The following UHMK1 variants were observed in gnomAD, a reference collection of about 807,000 sequenced individuals.
The protein encoded by UHMK1 is serine/threonine-protein kinase Kist.
UHMK1 carries 18 observed loss-of-function variants against 44.0 expected under a neutral mutation model. That is an observed-to-expected ratio of 0.41 (90% CI 0.28 to 0.61). The LOEUF (loss-of-function observed/expected upper bound fraction) is 0.61, where lower values mean the gene tolerates loss of function less well. Among genes scored for constraint, UHMK1 ranks in the 20% least tolerant of loss-of-function variants. The pLI is 0.31. For synonymous variants in UHMK1, 231 were observed against 198.5 expected, an observed-to-expected ratio of 1.16 and a Z score of -1.38; for missense variants, 463 against 522.5, an observed-to-expected ratio of 0.89 and a Z score of 1.11.
At chr1:162,498,353 C>T (rs1651141971) in intron 1 of UHMK1, 85 bp downstream of exon 1, 1 of 1,468,338 alleles carries the variant, frequency 6.8e-7, no homozygotes, top group African/African-American at 1.4e-5. Context: ...TTCCATCTTC[C>T]TCCCCTTCTG....
Position 162,527,140 on chromosome 1 carries a change from G to A in UHMK1, c.*4590G>A, listed in dbSNP as rs184562453. 2.0e-5 allele frequency: 3 copies of A among 152,134 alleles called. No individual in the cohort carries two copies. The East Asian group carries it at 5.8e-4, about 29-fold the overall frequency. The allele number at this position is 152,134 out of a possible 1,614,324, so 9.4% of individuals were successfully genotyped here. A position where few individuals can be genotyped will look rare whatever the true frequency, so the allele number is the denominator to read the frequency against. ...GAACATGGATATTTTAGTTTTTGGA[G>A]TACCCAGAATTGTAAAGATTTTGTT... On this transcript the variant is annotated 3_prime_UTR_variant, in exon 8 of 8. Transcript: ENST00000489294.
At position 162,526,749 on chromosome 1, in the gene UHMK1, G is replaced by T. The variant is rs1435420466; in HGVS notation, c.*4199G>T. 2 of 151,964 alleles carry T rather than the reference G, an allele frequency of 1.3e-5. No homozygotes were observed. The highest frequency in any genetic ancestry group is 1.3e-4 in the Admixed American group (2 of 15,262). The allele number at this position is 151,964 out of a possible 1,614,324, so 9.4% of individuals were successfully genotyped here. ...TGTATATGTAAAACTATTCATATTTGATTTTATTCCAATATTATATATGAT... is the reference window on the plus strand; with the variant it reads ...TGTATATGTAAAACTATTCATATTTTATTTTATTCCAATATTATATATGAT... On this transcript the variant is annotated 3_prime_UTR_variant, in exon 8 of 8. Coordinates refer to ENST00000489294, the MANE Select transcript of UHMK1 (RefSeq NM_175866.5).
At chr1:162,522,221 C>T (rs1037286098) in intron 7 of UHMK1, among the ~76,000 whole-genome samples, 183 bp from the exon 8 acceptor site, 3 of 152,178 alleles carry the variant, frequency 2.0e-5, no homozygotes, top group African/African-American at 4.8e-5. Flanking sequence ...CATAGACCAG[C>T]AGCATTGGCA....
chr1:162,522,380 G>C lies in UHMK1; in HGVS notation c.1114-24G>C, dbSNP rs144420022. 8.4e-5 allele frequency: 135 copies of C among 1,613,072 alleles called. No homozygotes were observed. The Admixed American group carries it at 2.3e-3, about 27-fold the overall frequency. ...AAAACAATCTTGGTGGAAATGAAAT[G>C]TTTTTTTCTCTGTCTTCTTTCAGGT... On this transcript the variant is annotated intron_variant, in intron 7 of 7. Coordinates refer to ENST00000489294, the MANE Select transcript of UHMK1 (RefSeq NM_175866.5).
At chr1:162,508,533 G>A (rs12746122) in intron 4 of UHMK1, among the ~76,000 whole-genome samples, 68,967 of 151,126 alleles carry the variant, frequency 0.46, 15,768 homozygotes, top group East Asian at 0.47. Flanking sequence ...GTGAAATCCC[G>A]TCTCTACTAA....
chr1:162,519,131 AC>A (rs1301425596), intron 7 of UHMK1, among the ~76,000 whole-genome samples: 1 of 150,502 alleles, frequency 6.6e-6, no homozygotes, highest in African/African-American at 2.5e-5. Context: ...AGCCCGGCCA[AC>A]GTGGTGAAAC....
At chr1:162,501,204 C>A in intron 3 of UHMK1, 100 bp downstream of exon 3, 1 of 1,228,760 alleles carries the variant, frequency 8.1e-7, no homozygotes, top group Non-Finnish European at 1.1e-6. Context: ...GAGTTTCACT[C>A]TTTCACCCAG....
chr1:162,518,151 A>G lies in UHMK1; in HGVS notation c.1074A>G (p.Val358=). 2 of 1,613,518 alleles carry G rather than the reference A, an allele frequency of 1.2e-6. No individual in the cohort carries two copies. The highest frequency in any genetic ancestry group is 1.3e-5 in the African/African-American group (1 of 75,054). ...KEECQKYGPV[V]SLLVPKENPG... is the part of the protein sequence containing the mutation. ...AGTGTCAAAAATATGGACCAGTGGT[A>G]TCTCTACTTGTTCCAAAGGAAAATC... Residue 358 remains valine, a synonymous_variant, in exon 7 of 8, where the codon GTA becomes GTG. Coordinates refer to ENST00000489294, the MANE Select transcript of UHMK1 (RefSeq NM_175866.5).
chr1:162,526,033 T>C lies in UHMK1; in HGVS notation c.*3483T>C, dbSNP rs995630677. 1 of 152,184 alleles carries C rather than the reference T, an allele frequency of 6.6e-6. No homozygotes were observed. The highest frequency in any genetic ancestry group is 1.9e-4 in the East Asian group (1 of 5,208). The allele number at this position is 152,184 out of a possible 1,614,324, so 9.4% of individuals were successfully genotyped here. ...TATAGAGAAAGCTGAAGAGAAACCA[T>C]GGGCAGAAGGCTTTTTTCTGTCTTA... is the stretch of plus-strand genomic sequence containing the variant. On this transcript the variant is annotated 3_prime_UTR_variant, in exon 8 of 8. Transcript: ENST00000489294.
chr1:162,500,884 T>G (rs1187782260), intron 2 of UHMK1, 29 bp from the exon 3 acceptor site: 5 of 1,589,824 alleles, frequency 3.1e-6, no homozygotes, highest in Non-Finnish European at 3.4e-6. Context: ...GCTTTTTTAT[T>G]GGTTGTAATA....
chr1:162,516,893 A>T (rs1473557267), intron 6 of UHMK1, among the ~76,000 whole-genome samples: 1 of 152,238 alleles, frequency 6.6e-6, no homozygotes, highest in Non-Finnish European at 1.5e-5. Context: ...ATTTTTGTAC[A>T]TTACTAGAGA....
At chr1:162,500,756 A>T in intron 2 of UHMK1, 157 bp from the exon 3 acceptor site, 1 of 660,236 alleles carries the variant, frequency 1.5e-6, no homozygotes, top group Non-Finnish European at 2.5e-6. Flanking sequence ...CTGCCCAGTT[A>T]ATGAACCAAA....
At chr1:162,515,965 C>T (rs1401053831) in intron 6 of UHMK1, among the ~76,000 whole-genome samples, 8 of 151,478 alleles carry the variant, frequency 5.3e-5, no homozygotes, top group Non-Finnish European at 8.8e-5. Context: ...ACCCGGGAGG[C>T]GGAGCTTGCA....
In UHMK1 at chr1:162,520,755, A is replaced by G. The variant is rs571113123; in HGVS notation, c.1114-1649A>G. Among the ~76,000 whole-genome samples, 6 of 152,302 alleles carry G rather than the reference A, an allele frequency of 3.9e-5. No individual in the cohort carries two copies. The South Asian group carries it at 1.2e-3, about 32-fold the overall frequency. ...ATTAGGGAGTGGTAGGGGGCTTATT[A>G]AGTAGAGTGAGCTGGGTAGAGTATT... On this transcript the variant is annotated intron_variant, in intron 7 of 7. Coordinates refer to ENST00000489294, the MANE Select transcript of UHMK1 (RefSeq NM_175866.5).
intron 7 of UHMK1, among the ~76,000 whole-genome samples, chr1:162,518,736 C>T (rs1651931963): frequency 6.6e-6 from 1 of 151,502 alleles, no homozygotes. Flanking sequence ...CGCCTATAAT[C>T]CCAGCACTTT....
chr1:162,497,739 A>G, upstream of UHMK1: 1 of 1,205,830 alleles, frequency 8.3e-7, no homozygotes. Flanking sequence ...AGCGCGTCTA[A>G]TCTCTTCTAG....
Position 162,500,918 on chromosome 1 carries a change from A to T in UHMK1, c.567A>T (p.Val189=), listed in dbSNP as rs555159462. The part of the protein sequence containing the change: ...GLSFKEGNQD[V]KYIQTDGYRA... ...TATTTACTCATCTTTTTTAGGATGT[A>T]AAGTATATTCAGACAGACGGGTATC... The change falls in exon 3 of 8, where the codon GTA becomes GTT. Residue 189 remains valine (V), a synonymous_variant. Transcript: ENST00000489294. The T allele has an allele frequency of 4.3e-5, 69 of 1,611,770 alleles. No homozygotes were observed. The highest frequency in any genetic ancestry group is 3.3e-4 in the Middle Eastern group (2 of 6,034).
chr1:162,521,155 T>A (rs185035150), intron 7 of UHMK1, among the ~76,000 whole-genome samples: 1 of 152,254 alleles, frequency 6.6e-6, no homozygotes, highest in Non-Finnish European at 1.5e-5. Context: ...TTATAAGGAA[T>A]GTTACAAAAA....
chr1:162,499,898 T>G, intron 1 of UHMK1, 57 bp from the exon 2 acceptor site: 1 of 1,557,628 alleles, frequency 6.4e-7, no homozygotes, highest in Non-Finnish European at 8.8e-7. Flanking sequence ...AGTTACCTAC[T>G]TTAGTAGTGA....
Sources: gnomAD v4.1 joint callset for allele counts (sites outside exome capture counted in the v4.1 genomes callset) on GRCh38, gnomAD v4.1.1 for gene constraint, MANE v1.5 for transcripts, NCBI Gene and HGNC (gene_info 2026-07-23, HGNC 2026-07-21) for gene names.